MAPRE1: variants seen among roughly 807,000 people sequenced by gnomAD.
The protein encoded by MAPRE1 is microtubule-associated protein RP/EB family member 1.
A neutral mutation model predicts 32.1 loss-of-function variants in MAPRE1; 5 were observed. The ratio of observed to expected loss-of-function variants is 0.16; its 90% CI spans 0.08 to 0.33. The LOEUF is 0.33. MAPRE1 is among the 10% of genes least tolerant of loss of function. The probability of loss-of-function intolerance (pLI) is 1.00; values close to 1 mark genes in which losing one functional copy is unlikely to be tolerated. For missense variants in MAPRE1, 209 were observed against 327.2 expected, an observed-to-expected ratio of 0.64 and a Z score of 2.79; for synonymous variants, 122 against 118.9, an observed-to-expected ratio of 1.03 and a Z score of -0.17.
chr20:32,826,121 G>T, intron 2 of MAPRE1, 73 bp downstream of exon 2: 2 of 1,427,010 alleles, frequency 1.4e-6, no homozygotes, highest in Non-Finnish European at 1.9e-6. Context: ...GCCTGTATCT[G>T]ACTGCAAAGC....
At chr20:32,843,849 G>GTT (rs58476543) in intron 5 of MAPRE1, among the ~76,000 whole-genome samples, 10 of 143,076 alleles carry the variant, frequency 7.0e-5, no homozygotes, top group Admixed American at 1.4e-4. Flanking sequence ...CTAGCTACAG[G>GTT]TTTTTTTTTT....
intron 5 of MAPRE1, chr20:32,843,504 T>G (rs913405484): frequency 1.3e-5 from 2 of 152,224 alleles, no homozygotes; most frequent in African/African-American, 4.8e-5. Flanking sequence ...CATGGTCTAG[T>G]AGCTACATTA....
At chr20:32,843,247 C>T (rs976735263) in intron 5 of MAPRE1, 1 of 152,266 alleles carries the variant, frequency 6.6e-6, no homozygotes, top group Admixed American at 6.5e-5. Flanking sequence ...TCTGGCCCCT[C>T]CTGAAAGTTT....
intron 3 of MAPRE1, among the ~76,000 whole-genome samples, chr20:32,835,597 T>C (rs1310923953): frequency 6.6e-6 from 1 of 152,010 alleles, no homozygotes; most frequent in East Asian, 1.9e-4. Flanking sequence ...TCTTTTTTCT[T>C]TTCTTTTCTT....
rs1163973090 is a variant in MAPRE1 at position 32,848,654 on chromosome 20, C to T, written c.751-18C>T. On this transcript the variant is annotated intron_variant, in intron 6 of 6. Coordinates refer to ENST00000375571, the MANE Select transcript of MAPRE1 (RefSeq NM_012325.3). ...ATGGATCTTTCAGTGGCTTTCCCCTCTCATTTTCCTATTTCAGGAAGGCTT... is the reference window on the plus strand; with the variant it reads ...ATGGATCTTTCAGTGGCTTTCCCCTTTCATTTTCCTATTTCAGGAAGGCTT... 2 of 1,607,434 alleles carry T rather than the reference C, an allele frequency of 1.2e-6. No homozygotes were observed. The highest frequency in any genetic ancestry group is 1.7e-6 in the Non-Finnish European group (2 of 1,176,068).
At position 32,837,340 on chromosome 20, in the gene MAPRE1, C is replaced by A. The variant is rs1354936824; in HGVS notation, c.475+499C>A. ...TAGACCAGCTTCCTGTGTATACTCACAGCTTCCCTACCTGCCCTAGAACTT... is the reference window on the plus strand; with the variant it reads ...TAGACCAGCTTCCTGTGTATACTCAAAGCTTCCCTACCTGCCCTAGAACTT... On this transcript the variant is annotated intron_variant, in intron 4 of 6. Transcript: ENST00000375571. 1.3e-5 allele frequency among the ~76,000 whole-genome samples: 2 copies of A among 152,184 alleles called. 1 individual carries two copies. The highest frequency in any genetic ancestry group is 1.3e-4 in the Admixed American group (2 of 15,272).
At chr20:32,832,556 C>G (rs938168420) in intron 2 of MAPRE1, among the ~76,000 whole-genome samples, 4 of 150,598 alleles carry the variant, frequency 2.7e-5, no homozygotes, top group African/African-American at 9.8e-5. Context: ...AGTCCTTGAC[C>G]TCTTGGGCTC....
chr20:32,826,058 A>G lies in MAPRE1; in HGVS notation c.121+10A>G, dbSNP rs1452078608. The G allele has an allele frequency of 1.9e-6, 3 of 1,574,012 alleles. No individual in the cohort carries two copies. The highest frequency in any genetic ancestry group is 2.3e-5 in the East Asian group (1 of 44,220). ...GAACAGTTGTGCTCAGGTAAGAGAA[A>G]TCTGCTGGATCATTTTTCTAGGAAA... On this transcript the variant is annotated intron_variant, in intron 2 of 6. Transcript: ENST00000375571.
At chr20:32,821,625 T>G (rs1475446479) in intron 1 of MAPRE1, among the ~76,000 whole-genome samples, 1 of 152,254 alleles carries the variant, frequency 6.6e-6, no homozygotes, top group Non-Finnish European at 1.5e-5. Context: ...GATACTGTTT[T>G]ACCCATTTTA....
At chr20:32,831,604 C>T (rs1983028144) in intron 2 of MAPRE1, among the ~76,000 whole-genome samples, 1 of 151,578 alleles carries the variant, frequency 6.6e-6, no homozygotes, top group Admixed American at 6.6e-5. Flanking sequence ...GCGATCTCAG[C>T]TCACTGCAAC....
chr20:32,836,867 C>G (rs747766545), intron 4 of MAPRE1, 26 bp downstream of exon 4: 2 of 1,567,722 alleles, frequency 1.3e-6, no homozygotes, highest in African/African-American at 2.8e-5. Context: ...CAAAACGTTT[C>G]CAAAAAATAG....
At chr20:32,831,803 G>C (rs1983034448) in intron 2 of MAPRE1, among the ~76,000 whole-genome samples, 1 of 151,848 alleles carries the variant, frequency 6.6e-6, no homozygotes, top group Admixed American at 6.6e-5. Context: ...CCAAAGTGTT[G>C]GGATTACAGG....
At chr20:32,829,832 T>C (rs1194401131) in intron 2 of MAPRE1, among the ~76,000 whole-genome samples, 1 of 152,192 alleles carries the variant, frequency 6.6e-6, no homozygotes, top group Admixed American at 6.5e-5. Flanking sequence ...CAGTGAAAGA[T>C]TTGGCAGGTT....
chr20:32,836,861 ACGTTTCC>A lies in MAPRE1; in HGVS notation c.475+21_475+27del. The A allele has an allele frequency of 6.4e-7, 1 of 1,572,874 alleles. No individual in the cohort carries two copies. The highest frequency in any genetic ancestry group is 2.1e-5 in the Admixed American group (1 of 47,750). ...GTGCAGGTAAAAAAACAACCCCAAA[ACGTTTCC>A]AAAAAATAGCGTTCCAGATATTCAT... is the stretch of plus-strand genomic sequence containing the variant. On this transcript the variant is annotated intron_variant, in intron 4 of 6. Transcript: ENST00000375571.
chr20:32,840,473 ATTTTG>A (rs957414706), intron 5 of MAPRE1, among the ~76,000 whole-genome samples: 5 of 152,070 alleles, frequency 3.3e-5, no homozygotes, highest in African/African-American at 4.8e-5. Context: ...TATTTTTTAA[ATTTTG>A]TTTTATTAAA....
intron 2 of MAPRE1, 122 bp downstream of exon 2, chr20:32,826,170 G>A: frequency 2.8e-6 from 2 of 703,108 alleles, no homozygotes; most frequent in Middle Eastern, 3.1e-4. Flanking sequence ...GGGCCACCCT[G>A]TTTCTTCCTC....
chr20:32,825,162 A>G (rs1030766472), intron 1 of MAPRE1, among the ~76,000 whole-genome samples: 6 of 150,960 alleles, frequency 4.0e-5, no homozygotes, highest in East Asian at 2.0e-4. Flanking sequence ...AAAAAAAAAA[A>G]AAAGAAAGAA....
At chr20:32,832,239 G>A (rs1983049751) in intron 2 of MAPRE1, among the ~76,000 whole-genome samples, 2 of 152,128 alleles carry the variant, frequency 1.3e-5, no homozygotes, top group African/African-American at 4.8e-5. Context: ...CTTAACCACT[G>A]GTTTAGCTTC....
At chr20:32,823,349 T>C (rs1982752118) in intron 1 of MAPRE1, among the ~76,000 whole-genome samples, 1 of 152,234 alleles carries the variant, frequency 6.6e-6, no homozygotes, top group Non-Finnish European at 1.5e-5. Flanking sequence ...CTCAGGATTG[T>C]TCCAGATTGC....
Sources: allele counts gnomAD v4.1 joint callset (sites outside exome capture counted in the v4.1 genomes callset), GRCh38; gene constraint gnomAD v4.1.1; transcripts MANE v1.5; gene names NCBI Gene and HGNC (gene_info 2026-07-23, HGNC 2026-07-21).